Variants in SUPT3H observed in about 807,000 individuals in gnomAD.
The protein encoded by SUPT3H is transcription initiation protein SPT3 homolog.
SUPT3H carries 44 observed loss-of-function variants against 44.3 expected under a neutral mutation model. The ratio of observed to expected loss-of-function variants is 0.99; its 90% CI spans 0.78 to 1.28. SUPT3H has a LOEUF of 1.28. Among genes scored for constraint, SUPT3H ranks in the 50% most tolerant of loss-of-function variants. The pLI is 0.00. For synonymous variants in SUPT3H, 124 were observed against 125.6 expected, an observed-to-expected ratio of 0.99 and a Z score of 0.09; for missense variants, 380 against 387.1, an observed-to-expected ratio of 0.98 and a Z score of 0.15.
chr6:45,002,550 C>T lies in SUPT3H; in HGVS notation c.504+1103G>A, dbSNP rs949861413. Among the ~76,000 whole-genome samples the T allele has an allele frequency of 3.9e-5, 6 of 152,014 alleles. No homozygotes were observed. The South Asian group carries it at 1.2e-3, about 32-fold the overall frequency. On this transcript the variant is annotated intron_variant, in intron 6 of 10. Transcript: ENST00000371459. Reference sequence around the variant, plus strand: ...TCATAAGTGAAACCATGCCACTAAACAACCATATCCTGTTTGGGCAATGAT... The same window carrying T: ...TCATAAGTGAAACCATGCCACTAAATAACCATATCCTGTTTGGGCAATGAT...
At chr6:45,000,204 G>T (rs1163139837) in intron 6 of SUPT3H, among the ~76,000 whole-genome samples, 6 of 151,852 alleles carry the variant, frequency 4.0e-5, no homozygotes, top group African/African-American at 1.5e-4. Context: ...AAGAGTTTCA[G>T]TTTTTAACTC....
At position 44,939,858 on chromosome 6, in the gene SUPT3H, G is replaced by A. The variant is rs1379000482; in HGVS notation, c.802-7095C>T. On this transcript the variant is annotated intron_variant, in intron 9 of 10. Transcript: ENST00000371459. ...TGTGAGTGTATAGTTGCTCATAATA[G>A]TCTGTGACAATCTTTTGTATGTTTG... is the stretch of plus-strand genomic sequence containing the variant. 3.3e-5 allele frequency among the ~76,000 whole-genome samples: 5 copies of A among 151,834 alleles called. No individual in the cohort carries two copies. In the East Asian group the frequency reaches 9.7e-4, roughly 29 times the overall value.
intron 2 of SUPT3H, among the ~76,000 whole-genome samples, chr6:45,285,721 T>C (rs1271285720): frequency 6.6e-6 from 1 of 152,098 alleles, no homozygotes; most frequent in African/African-American, 2.4e-5. Context: ...AATGACTTTC[T>C]TCACAGAATT....
chr6:45,061,665 T>A (rs1266314157), intron 3 of SUPT3H, among the ~76,000 whole-genome samples: 2 of 152,184 alleles, frequency 1.3e-5, no homozygotes, highest in African/African-American at 4.8e-5. Flanking sequence ...AACAATTTCT[T>A]ACAATGTAGA....
Position 45,063,200 on chromosome 6 carries a change from C to A in SUPT3H, c.187-42568G>T, listed in dbSNP as rs574056899. 3.3e-3 allele frequency among the ~76,000 whole-genome samples: 475 copies of A among 144,792 alleles called. 3 individuals are homozygous for A. The highest frequency in any genetic ancestry group is 5.2e-3 in the Non-Finnish European group (345 of 66,522). The allele number at this position is 144,792 out of a possible 152,430, so 95.0% of individuals were successfully genotyped here. ...TGGGAGGCACCCCCCAGCAGGGGCA[C>A]ACTGACACCTCACACGGCAGGGTAT... On this transcript the variant is annotated intron_variant, in intron 3 of 10. Transcript: ENST00000371459.
At chr6:45,129,081 T>C (rs954245565) in intron 2 of SUPT3H, among the ~76,000 whole-genome samples, 7 of 152,328 alleles carry the variant, frequency 4.6e-5, no homozygotes, top group South Asian at 4.1e-4. Context: ...AAGAAAAAGA[T>C]GAATATTTCC....
intron 2 of SUPT3H, among the ~76,000 whole-genome samples, chr6:45,282,793 C>A (rs932831352): frequency 8.6e-5 from 13 of 152,042 alleles, no homozygotes; most frequent in Non-Finnish European, 1.8e-4. Flanking sequence ...TCAGATTCAC[C>A]AAAGTTGAAA....
In SUPT3H at chr6:44,827,718, T is replaced by TA. The variant is rs1293537305; in HGVS notation, c.*2097dup. ...AAGAGTCAGAGAAAGAACCTAAGTA[T>TA]AAAAAATAGAAAAGGGAATTAAAAA... On this transcript the variant is annotated 3_prime_UTR_variant, in exon 11 of 11. Transcript: ENST00000371459. Among the ~76,000 whole-genome samples the TA allele has an allele frequency of 6.6e-5, 10 of 152,030 alleles. No homozygotes were observed. The highest frequency in any genetic ancestry group is 1.9e-4 in the African/African-American group (8 of 41,406).
intron 3 of SUPT3H, among the ~76,000 whole-genome samples, chr6:45,100,575 T>G (rs1334950904): frequency 1.7e-5 from 1 of 60,144 alleles, no homozygotes; most frequent in Non-Finnish European, 3.1e-5. Flanking sequence ...GACACACAAA[T>G]AGCCCACAGT....
At chr6:45,091,010 T>G (rs1206640148) in intron 3 of SUPT3H, among the ~76,000 whole-genome samples, 1 of 151,990 alleles carries the variant, frequency 6.6e-6, no homozygotes, top group African/African-American at 2.4e-5. Flanking sequence ...AATAATATGG[T>G]TGATTTCTGG....
chr6:44,837,941 C>T (rs901129279), intron 10 of SUPT3H, among the ~76,000 whole-genome samples: 2 of 152,152 alleles, frequency 1.3e-5, no homozygotes, highest in African/African-American at 4.8e-5. Flanking sequence ...TTGCTATGGC[C>T]TTCCCCCGCC....
intron 4 of SUPT3H, among the ~76,000 whole-genome samples, chr6:45,015,108 C>T (rs994322547): frequency 5.3e-5 from 8 of 152,144 alleles, no homozygotes; most frequent in South Asian, 2.1e-4. Flanking sequence ...TACAAATATT[C>T]GGATGTTCCA....
intron 2 of SUPT3H, among the ~76,000 whole-genome samples, chr6:45,207,207 T>C (rs1763341683): frequency 6.6e-6 from 1 of 152,202 alleles, no homozygotes. Context: ...TGAGGTGTTC[T>C]GGAAGTCAAG....
At chr6:44,826,021 A>C (rs1467987745), downstream of SUPT3H, among the ~76,000 whole-genome samples, 1 of 152,206 alleles carries the variant, frequency 6.6e-6, no homozygotes, top group South Asian at 2.1e-4. Context: ...ACTATTTACT[A>C]TCTATCTTGC....
intron 2 of SUPT3H, chr6:45,328,133 G>T: frequency 2.2e-6 from 1 of 458,524 alleles, no homozygotes; most frequent in African/African-American, 2.1e-5. Context: ...TGCCAGGAAA[G>T]GCCTTACCAC....
chr6:44,909,468 T>C (rs1471034256), intron 10 of SUPT3H, among the ~76,000 whole-genome samples: 1 of 152,210 alleles, frequency 6.6e-6, no homozygotes, highest in Non-Finnish European at 1.5e-5. Flanking sequence ...TTTTAAAAAT[T>C]GGGATCAGAA....
intron 2 of SUPT3H, among the ~76,000 whole-genome samples, chr6:45,157,200 A>C (rs1807971261): frequency 1.3e-5 from 2 of 152,274 alleles, no homozygotes; most frequent in South Asian, 2.1e-4. Flanking sequence ...ATAATCTCAT[A>C]ATAATTGGAG....
chr6:44,877,462 C>CAGTCTCAAAA (rs1777496454), intron 10 of SUPT3H, among the ~76,000 whole-genome samples: 1 of 96,700 alleles, frequency 1.0e-5, no homozygotes, highest in South Asian at 4.0e-4. Context: ...GAGTGAGACT[C>CAGTCTCAAAA]AGTCTCAAAA....
At chr6:45,300,289 G>C (rs1293476131) in intron 2 of SUPT3H, among the ~76,000 whole-genome samples, 5 of 152,182 alleles carry the variant, frequency 3.3e-5, no homozygotes, top group Admixed American at 6.5e-5. Context: ...CATCTATACA[G>C]TGCTTTGTAA....
Sources: allele counts gnomAD v4.1 joint callset (sites outside exome capture counted in the v4.1 genomes callset), GRCh38; gene constraint gnomAD v4.1.1; transcripts MANE v1.5; gene names NCBI Gene and HGNC (gene_info 2026-07-23, HGNC 2026-07-21).